PHF24: variants seen among roughly 807,000 people sequenced by gnomAD.
PHF24 encodes the protein PHD finger protein 24, also known as Galpha inhibitory interacting protein.
In PHF24, 25 loss-of-function variants were observed where a neutral mutation model predicts 42.6. The observed-to-expected ratio is 0.59, with a 90% CI of 0.43 to 0.82. The LOEUF (loss-of-function observed/expected upper bound fraction) is 0.82. Ranked by LOEUF, PHF24 falls within the 40% of genes least tolerant of loss-of-function variation. The pLI is 0.00. For missense variants in PHF24, 470 were observed against 538.1 expected, an observed-to-expected ratio of 0.87 and a Z score of 1.25; for synonymous variants, 185 against 204.8, an observed-to-expected ratio of 0.90 and a Z score of 0.83.
chr9:34,852,616 A>G, the PHF24 span, among the ~76,000 whole-genome samples: 1 of 152,218 alleles, frequency 6.6e-6, no homozygotes, highest in Non-Finnish European at 1.5e-5. Context: ...TCTAGCCTAT[A>G]AAGTTTCTGC....
At chr9:34,767,353 C>T in the PHF24 span, among the ~76,000 whole-genome samples, 1 of 152,254 alleles carries the variant, frequency 6.6e-6, no homozygotes, top group Non-Finnish European at 1.5e-5. Flanking sequence ...GTGGTGGGCT[C>T]CACCCAGTTC....
At chr9:34,838,530 C>G in the PHF24 span, 1 of 1,293,230 alleles carries the variant, frequency 7.7e-7, no homozygotes, top group Non-Finnish European at 1.1e-6. Context: ...AGCCATCCCT[C>G]TATCTCGGCA....
At chr9:34,851,607 A>G in the PHF24 span, among the ~76,000 whole-genome samples, 1 of 152,132 alleles carries the variant, frequency 6.6e-6, no homozygotes, top group African/African-American at 2.4e-5. Flanking sequence ...CGCTGCACCC[A>G]CTGTCCTGCG....
At chr9:34,853,685 G>A in the PHF24 span, among the ~76,000 whole-genome samples, 14 of 151,946 alleles carry the variant, frequency 9.2e-5, no homozygotes, top group African/African-American at 1.9e-4. Flanking sequence ...AAAATTAGCC[G>A]GGCGTAGTGG....
At chr9:34,685,139 G>C in the PHF24 span, among the ~76,000 whole-genome samples, 1 of 151,984 alleles carries the variant, frequency 6.6e-6, no homozygotes, top group Non-Finnish European at 1.5e-5. Flanking sequence ...CCGATCAGAC[G>C]CCTGGCCCCA....
chr9:34,799,204 A>T, the PHF24 span, among the ~76,000 whole-genome samples: 1 of 152,220 alleles, frequency 6.6e-6, no homozygotes, highest in Non-Finnish European at 1.5e-5. Context: ...GCAAACAGAG[A>T]AGACTTCCAG....
chr9:34,721,998 A>T, the PHF24 span, among the ~76,000 whole-genome samples: 197 of 152,292 alleles, frequency 1.3e-3, no homozygotes, highest in Middle Eastern at 6.8e-3. Flanking sequence ...TTAACATAGA[A>T]GAGTCTCAGG....
chr9:34,966,931 G>A (rs1271871694), intron 1 of PHF24, among the ~76,000 whole-genome samples: 1 of 152,032 alleles, frequency 6.6e-6, no homozygotes, highest in Non-Finnish European at 1.5e-5. Context: ...TTAATGTGAT[G>A]AGGTATTGCT....
chr9:34,745,718 C>T, the PHF24 span, among the ~76,000 whole-genome samples: 1 of 150,730 alleles, frequency 6.6e-6, no homozygotes, highest in Non-Finnish European at 1.5e-5. Flanking sequence ...CTTTACCCCC[C>T]TAACAAATAA....
At chr9:34,801,765 C>T in the PHF24 span, among the ~76,000 whole-genome samples, 2 of 151,968 alleles carry the variant, frequency 1.3e-5, no homozygotes, top group East Asian at 1.9e-4. Flanking sequence ...TGCAGGGACA[C>T]GGATGAAGCT....
the PHF24 span, among the ~76,000 whole-genome samples, chr9:34,714,893 CTTG>C: frequency 6.6e-6 from 1 of 152,188 alleles, no homozygotes; most frequent in South Asian, 2.1e-4. Context: ...AAAGAAGCTT[CTTG>C]TTGTGTCAGA....
chr9:34,965,798 A>G (rs150757923), intron 1 of PHF24, among the ~76,000 whole-genome samples: 1 of 152,366 alleles, frequency 6.6e-6, no homozygotes, highest in Non-Finnish European at 1.5e-5. Context: ...TTTGTTCAAT[A>G]ACTTTTATTA....
chr9:34,852,555 C>T, the PHF24 span, among the ~76,000 whole-genome samples: 1 of 152,184 alleles, frequency 6.6e-6, no homozygotes, highest in Non-Finnish European at 1.5e-5. Context: ...AAGTATAGTT[C>T]ATTGTCAGTT....
chr9:34,924,985 T>A, the PHF24 span, among the ~76,000 whole-genome samples: 1 of 152,194 alleles, frequency 6.6e-6, no homozygotes, highest in Non-Finnish European at 1.5e-5. Context: ...TTGATAATGG[T>A]AATCATCTTT....
the PHF24 span, among the ~76,000 whole-genome samples, chr9:34,829,302 G>A: frequency 6.6e-6 from 1 of 152,116 alleles, no homozygotes; most frequent in Non-Finnish European, 1.5e-5. Flanking sequence ...TGGTGGGTGG[G>A]CAGGGAATCG....
the PHF24 span, among the ~76,000 whole-genome samples, chr9:34,805,945 A>G: frequency 1.3e-5 from 2 of 152,186 alleles, no homozygotes; most frequent in Non-Finnish European, 2.9e-5. Flanking sequence ...TTGGCCCAGC[A>G]TTGTTTGTTG....
At chr9:34,691,284 C>T in the PHF24 span, 2 of 577,462 alleles carry the variant, frequency 3.5e-6, no homozygotes, top group Non-Finnish European at 6.2e-6. Flanking sequence ...AATGTGAGCC[C>T]TGCAGCTGAC....
chr9:34,964,685 A>G (rs527485238), intron 1 of PHF24, among the ~76,000 whole-genome samples: 8 of 152,318 alleles, frequency 5.3e-5, no homozygotes, highest in African/African-American at 1.4e-4. Flanking sequence ...TCTTGCAAAC[A>G]TTACAAGCTG....
chr9:34,867,877 G>C, the PHF24 span, among the ~76,000 whole-genome samples: 1 of 152,082 alleles, frequency 6.6e-6, no homozygotes, highest in African/African-American at 2.4e-5. Flanking sequence ...TGTAGATACT[G>C]TTGCTAAATT....
Sources: allele counts gnomAD v4.1 joint callset (sites outside exome capture counted in the v4.1 genomes callset), GRCh38; gene constraint gnomAD v4.1.1; transcripts MANE v1.5; gene names NCBI Gene and HGNC (gene_info 2026-07-23, HGNC 2026-07-21).